Variants in STK3 observed in about 807,000 individuals in gnomAD.
STK3 encodes the protein serine/threonine-protein kinase 3.
Under a neutral mutation model 58.0 loss-of-function variants are expected in STK3, and 41 were observed. The ratio of observed to expected loss-of-function variants is 0.71; its 90% CI spans 0.55 to 0.92. The LOEUF is 0.92. Ranked by LOEUF, STK3 falls within the 40% of genes least tolerant of loss-of-function variation. STK3 has a pLI of 0.00. For missense variants in STK3, 479 were observed against 602.7 expected (o/e 0.79, Z 2.15); for synonymous variants, 170 against 191.0 (o/e 0.89, Z 0.91).
intron 6 of STK3, among the ~76,000 whole-genome samples, chr8:98,623,387 G>A (rs1041269501): frequency 2.4e-4 from 37 of 152,170 alleles, no homozygotes; most frequent in Non-Finnish European, 4.1e-4. Context: ...GGCCTTTAAA[G>A]AGGTATTAAG....
At chr8:98,908,767 C>T (rs764264568) in intron 1 of STK3, among the ~76,000 whole-genome samples, 4 of 146,622 alleles carry the variant, frequency 2.7e-5, no homozygotes, top group Non-Finnish European at 4.5e-5. Flanking sequence ...CCCTTGAACC[C>T]GGGAGGCGGA....
chr8:98,350,711 G>A, the STK3 span, among the ~76,000 whole-genome samples: 1 of 152,216 alleles, frequency 6.6e-6, no homozygotes, highest in Non-Finnish European at 1.5e-5. Flanking sequence ...CCAAATGAAA[G>A]GGATTTCCCC....
At chr8:98,422,644 G>A (rs962893450) in intron 3 of STK3, among the ~76,000 whole-genome samples, 3 of 152,166 alleles carry the variant, frequency 2.0e-5, no homozygotes, top group East Asian at 1.9e-4. Flanking sequence ...GGAGGGAGGC[G>A]ACGACAAAGG....
At chr8:98,856,315 C>T (rs942524977) in intron 3 of STK3, among the ~76,000 whole-genome samples, 5 of 130,258 alleles carry the variant, frequency 3.8e-5, no homozygotes, top group African/African-American at 1.1e-4. Context: ...AGTGAGACTC[C>T]ATCTCAAAAA....
chr8:98,817,476 T>C (rs1271147629), intron 1 of STK3, among the ~76,000 whole-genome samples: 2 of 134,032 alleles, frequency 1.5e-5, no homozygotes, highest in African/African-American at 5.6e-5. Flanking sequence ...AAAATAGAAA[T>C]CAGTGTGCAT....
intron 6 of STK3, among the ~76,000 whole-genome samples, chr8:98,672,480 A>G (rs1822905439): frequency 6.6e-6 from 1 of 152,220 alleles, no homozygotes; most frequent in Admixed American, 6.5e-5. Context: ...TATGACTCAA[A>G]AATTTGTTTT....
intron 3 of STK3, among the ~76,000 whole-genome samples, chr8:98,849,610 G>A (rs1836360215): frequency 6.6e-6 from 1 of 152,206 alleles, no homozygotes; most frequent in African/African-American, 2.4e-5. Context: ...AATAGAGACA[G>A]ATGCCAGCTT....
chr8:98,636,167 T>C (rs2130561122), intron 6 of STK3, among the ~76,000 whole-genome samples: 1 of 152,094 alleles, frequency 6.6e-6, no homozygotes, highest in South Asian at 2.1e-4. Flanking sequence ...TAACAACTCC[T>C]CAGGATAAAG....
rs548746059 is a variant in STK3 at position 98,597,967 on chromosome 8, G to A, written c.685-1798C>T. ...AAGGCTTTAAAAAATGAGTAAAATG[G>A]GGTTAAAAGCAGCTGCTGGAAAAGG... On this transcript the variant is annotated intron_variant, in intron 6 of 10. Coordinates refer to ENST00000419617, the MANE Select transcript of STK3 (RefSeq NM_006281.4). 1.2e-5 allele frequency: 12 copies of A among 985,200 alleles called. 1 individual carries two copies. The Admixed American group carries it at 6.2e-4, about 51-fold the overall frequency. The allele number at this position is 985,200 out of a possible 1,614,324, so 61.0% of individuals were successfully genotyped here.
intron 9 of STK3, among the ~76,000 whole-genome samples, chr8:98,528,911 C>G (rs1376267593): frequency 6.6e-6 from 1 of 152,094 alleles, no homozygotes; most frequent in Non-Finnish European, 1.5e-5. Context: ...TCTTGGCTGT[C>G]TATTTTTAAT....
At chr8:98,506,090 C>G (rs1824042789) in intron 10 of STK3, among the ~76,000 whole-genome samples, 1 of 152,220 alleles carries the variant, frequency 6.6e-6, no homozygotes, top group Non-Finnish European at 1.5e-5. Context: ...TTTACCTACT[C>G]AAGCCTCAGC....
intron 1 of STK3, among the ~76,000 whole-genome samples, chr8:98,897,511 C>A (rs1446974029): frequency 2.6e-5 from 4 of 152,086 alleles, no homozygotes; most frequent in African/African-American, 9.7e-5. Flanking sequence ...AGGAGAATGG[C>A]GTGAACCCGG....
intron 1 of STK3, among the ~76,000 whole-genome samples, chr8:98,803,067 G>T (rs1833665165): frequency 6.6e-6 from 1 of 152,178 alleles, no homozygotes; most frequent in South Asian, 2.1e-4. Flanking sequence ...TTCCCTTGGG[G>T]TATGATTCTC....
At chr8:98,828,063 C>T (rs993168809), upstream of STK3, among the ~76,000 whole-genome samples, 2 of 151,804 alleles carry the variant, frequency 1.3e-5, no homozygotes, top group Non-Finnish European at 1.5e-5. Context: ...CAACCTCTGC[C>T]TCCCTGGTTC....
At chr8:98,894,727 G>C (rs1055043096) in intron 1 of STK3, among the ~76,000 whole-genome samples, 1 of 152,088 alleles carries the variant, frequency 6.6e-6, no homozygotes, top group African/African-American at 2.4e-5. Flanking sequence ...ATAAATATTT[G>C]TTCAATTAAT....
rs183464993 is a variant in STK3 at position 98,817,949 on chromosome 8, T to A, written c.26+7566A>T. On this transcript the variant is annotated intron_variant, in intron 1 of 10. Coordinates refer to ENST00000419617, the MANE Select transcript of STK3 (RefSeq NM_006281.4). ...TGACTTAAATCCAAATTCCTTTCCA[T>A]GGCCGGCATCATTGAATCCGTGCCC... 2.0e-5 allele frequency among the ~76,000 whole-genome samples: 3 copies of A among 152,208 alleles called. No homozygotes were observed. In the East Asian group the frequency reaches 5.8e-4, roughly 29 times the overall value.
chr8:98,710,470 G>C (rs1166008989), intron 4 of STK3, among the ~76,000 whole-genome samples: 2 of 152,152 alleles, frequency 1.3e-5, no homozygotes, highest in Non-Finnish European at 2.9e-5. Context: ...AATGGTCTTA[G>C]CAAACGGCAC....
intron 8 of STK3, among the ~76,000 whole-genome samples, chr8:98,568,577 AGAAAGCCCATAAAGT>A (rs1366857800): frequency 1.3e-5 from 2 of 152,224 alleles, no homozygotes; most frequent in African/African-American, 4.8e-5. Flanking sequence ...GTACATTTGA[AGAAAGCCCATAAAGT>A]GAAATGTCAG....
chr8:98,548,048 A>G lies in STK3; in HGVS notation c.1062T>C (p.Asn354=), dbSNP rs374029862. Residue 354 remains asparagine (N), a synonymous_variant, in exon 9 of 11, where the codon AAT becomes AAC. Coordinates refer to ENST00000419617, the MANE Select transcript of STK3 (RefSeq NM_006281.4). ...SEGAQTMIEH[N]STMLESDLGT... ...CCAAGTCGGATTCCAACATCGTGCT[A>G]TTATGTTCAATCATGGTCTGGGCCC... The G allele has an allele frequency of 7.1e-5, 115 of 1,610,808 alleles. No individual in the cohort carries two copies. In the African/African-American group the frequency reaches 1.4e-3, roughly 19 times the overall value.
Sources: allele counts gnomAD v4.1 joint callset (sites outside exome capture counted in the v4.1 genomes callset), GRCh38; gene constraint gnomAD v4.1.1; transcripts MANE v1.5; gene names NCBI Gene and HGNC (gene_info 2026-07-23, HGNC 2026-07-21).